The following CFAP47 variants were observed in gnomAD, a reference collection of about 807,000 sequenced individuals.
CFAP47 encodes the protein cilia- and flagella-associated protein 47.
CFAP47 carries 29 observed loss-of-function variants against 148.1 expected under a neutral mutation model. That is an observed-to-expected ratio of 0.20 (90% CI 0.15 to 0.27). The LOEUF (loss-of-function observed/expected upper bound fraction) is 0.27. Ranked by LOEUF, CFAP47 falls within the 10% of genes least tolerant of loss-of-function variation. CFAP47 has a pLI of 1.00. For missense variants in CFAP47, 1,872 were observed against 1,697.5 expected (o/e 1.10, Z -1.81); for synonymous variants, 664 against 577.3 (o/e 1.15, Z -2.15).
intron 26 of CFAP47, among the ~76,000 whole-genome samples, chrX:36,050,350 C>T (rs1429604825): frequency 4.5e-5 from 5 of 111,478 alleles, no homozygotes; most frequent in Non-Finnish European, 9.4e-5. Flanking sequence ...AAGTTTGGAA[C>T]TTTCTAGAGA....
At chrX:36,189,211 ATACAT>A (rs1555986132) in intron 41 of CFAP47, among the ~76,000 whole-genome samples, 1 of 111,168 alleles carries the variant, frequency 9.0e-6, no homozygotes, top group Admixed American at 9.6e-5. Context: ...GTTATCTCTC[ATACAT>A]CTGGGGTGAC....
intron 21 of CFAP47, among the ~76,000 whole-genome samples, chrX:36,001,994 A>G (rs1005981491): frequency 1.8e-5 from 2 of 111,678 alleles, no homozygotes; most frequent in African/African-American, 6.5e-5. Flanking sequence ...GAGGAAAGTT[A>G]TATTCCAGGC....
intron 22 of CFAP47, among the ~76,000 whole-genome samples, chrX:36,019,494 A>G (rs772083016): frequency 1.3e-4 from 14 of 111,572 alleles, no homozygotes; most frequent in Non-Finnish European, 2.3e-4. Flanking sequence ...TTGTATTTGC[A>G]CCCTAATCTT....
At chrX:35,950,084 T>C (rs1415219815) in intron 4 of CFAP47, among the ~76,000 whole-genome samples, 2 of 111,603 alleles carry the variant, frequency 1.8e-5, no homozygotes, top group Non-Finnish European at 3.8e-5. Context: ...AGTGAGAAGG[T>C]GGGGCCTGAG....
chrX:36,279,033 C>T lies in CFAP47; in HGVS notation c.7445-1454C>T, dbSNP rs184354429. 2.9e-4 allele frequency among the ~76,000 whole-genome samples: 32 copies of T among 111,643 alleles called. No individual in the cohort carries two copies. The East Asian group carries it at 8.5e-3, about 29-fold the overall frequency. On this transcript the variant is annotated intron_variant, in intron 49 of 63. Coordinates refer to ENST00000378653, the MANE Select transcript of CFAP47 (RefSeq NM_001304548.2). ...CGAAACACCTGTATTTCTCACCTCC[C>T]CCCAGAAACAAGTTAAAATATTATT...
Position 36,364,042 on chromosome X carries a change from C to G in CFAP47, c.9023+2541C>G, listed in dbSNP as rs191065636. ...ACCTTAGCTTGACATTTTCCTAGAACTTTTTACCTGCTCAAGAGCTGAACA... is the reference window on the plus strand; with the variant it reads ...ACCTTAGCTTGACATTTTCCTAGAAGTTTTTACCTGCTCAAGAGCTGAACA... On this transcript the variant is annotated intron_variant, in intron 61 of 63. Transcript: ENST00000378653. Among the ~76,000 whole-genome samples the G allele has an allele frequency of 4.5e-3, 499 of 111,574 alleles. 2 individuals are homozygous for G. Among genetic ancestry groups the G allele is most frequent in the African/African-American group, 0.015 (472 of 30,832 alleles).
chrX:36,008,948 G>C (rs1452721820), intron 21 of CFAP47, among the ~76,000 whole-genome samples: 2 of 110,817 alleles, frequency 1.8e-5, no homozygotes, highest in African/African-American at 3.3e-5. Flanking sequence ...AGTATATCCG[G>C]TACCCTACTC....
chrX:36,186,645 T>G lies in CFAP47; in HGVS notation c.6105-1975T>G, dbSNP rs1253335302. 2.7e-5 allele frequency among the ~76,000 whole-genome samples: 3 copies of G among 111,745 alleles called. No homozygotes were observed. The East Asian group carries it at 8.4e-4, about 31-fold the overall frequency. On this transcript the variant is annotated intron_variant, in intron 40 of 63. Transcript: ENST00000378653. ...CTCCCTAACCCTTTTGGTAGAGGTTTGAGTAGGAAATCACTTTTTGGGTTG... is the reference window on the plus strand; with the variant it reads ...CTCCCTAACCCTTTTGGTAGAGGTTGGAGTAGGAAATCACTTTTTGGGTTG...
rs1200904572 is a variant in CFAP47 at position 36,204,500 on chromosome X, G to A, written c.6664-457G>A. The stretch of plus-strand genomic sequence containing the variant: ...GCTAAATGACGAGTTAATGGGTGCA[G>A]CACACCTACATGGCACATGTATACA... On this transcript the variant is annotated intron_variant, in intron 44 of 63. Transcript: ENST00000378653. 9.0e-5 allele frequency among the ~76,000 whole-genome samples: 10 copies of A among 110,744 alleles called. No individual in the cohort carries two copies. The Admixed American group carries it at 9.6e-4, about 11-fold the overall frequency.
intron 33 of CFAP47, among the ~76,000 whole-genome samples, chrX:36,106,072 A>G (rs1938461938): frequency 8.9e-6 from 1 of 112,169 alleles, no homozygotes; most frequent in Admixed American, 9.5e-5. Flanking sequence ...CGAGTCATTG[A>G]TTAAATGTCA....
chrX:36,340,820 TTATTTAAAAAAA>T (rs1941645674), intron 57 of CFAP47, among the ~76,000 whole-genome samples: 1 of 110,990 alleles, frequency 9.0e-6, no homozygotes, highest in Non-Finnish European at 1.9e-5. Context: ...TGTTCTATTT[TTATTTAAAAAAA>T]TTAACTACTG....
intron 51 of CFAP47, among the ~76,000 whole-genome samples, chrX:36,293,334 A>G (rs1941210764): frequency 8.9e-6 from 1 of 112,370 alleles, no homozygotes; most frequent in Admixed American, 9.5e-5. Flanking sequence ...TCTAGCTGAT[A>G]CAGCAAATAA....
intron 53 of CFAP47, 83 bp from the exon 54 acceptor site, chrX:36,303,766 C>A: frequency 2.1e-6 from 1 of 467,616 alleles, no homozygotes; most frequent in Non-Finnish European, 3.6e-6. Context: ...ATATTTTAAT[C>A]CTAGGGGTCA....
intron 37 of CFAP47, among the ~76,000 whole-genome samples, chrX:36,157,018 T>C (rs1939375659): frequency 9.1e-6 from 1 of 110,342 alleles, no homozygotes; most frequent in African/African-American, 3.3e-5. Context: ...TCAGCTTCCA[T>C]CGAGATCCAA....
chrX:36,093,590 T>C (rs755271511), intron 30 of CFAP47, among the ~76,000 whole-genome samples: 9 of 110,199 alleles, frequency 8.2e-5, no homozygotes, highest in African/African-American at 3.0e-4. Flanking sequence ...ATTTTGCCCA[T>C]TTAAAAAATG....
chrX:36,351,754 T>A (rs1369034570), intron 59 of CFAP47, among the ~76,000 whole-genome samples: 3 of 111,523 alleles, frequency 2.7e-5, no homozygotes, highest in Non-Finnish European at 5.7e-5. Context: ...TGAAATAGAG[T>A]GTGTATTAGT....
At position 35,986,550 on chromosome X, in the gene CFAP47, C is replaced by A. The variant is rs143956485; in HGVS notation, c.2714-2769C>A. ...CTTAGCTTCCTTGCATTGGGTTAGA[C>A]CATGCTCCTTTAGCTCAGAGGAGTT... is the stretch of plus-strand genomic sequence containing the variant. On this transcript the variant is annotated intron_variant, in intron 15 of 63. Transcript: ENST00000378653. Among the ~76,000 whole-genome samples, 633 of 109,814 alleles carry A rather than the reference C, an allele frequency of 5.8e-3. 6 individuals carry two copies. Among genetic ancestry groups the A allele is most frequent in the African/African-American group, 0.02 (606 of 30,170 alleles).
At chrX:36,244,878 A>T (rs1353290877) in intron 48 of CFAP47, among the ~76,000 whole-genome samples, 1 of 111,526 alleles carries the variant, frequency 9.0e-6, no homozygotes, top group African/African-American at 3.3e-5. Context: ...CATTAACCTG[A>T]TGCCAAAATC....
At chrX:36,296,736 T>G (rs1941246126) in intron 51 of CFAP47, among the ~76,000 whole-genome samples, 1 of 111,977 alleles carries the variant, frequency 8.9e-6, no homozygotes, top group Non-Finnish European at 1.9e-5. Flanking sequence ...AGGCCAAATG[T>G]GTCATTTCCA....
Sources: gnomAD v4.1 joint callset for allele counts (sites outside exome capture counted in the v4.1 genomes callset) on GRCh38, gnomAD v4.1.1 for gene constraint, MANE v1.5 for transcripts, NCBI Gene and HGNC (gene_info 2026-07-23, HGNC 2026-07-21) for gene names.